Variants in EGFR observed in about 807,000 individuals in gnomAD.
EGFR encodes the protein avian erythroblastic leukemia viral (v-erb-b) oncogene homolog.
Under a neutral mutation model 143.0 loss-of-function variants are expected in EGFR, and 58 were observed. That is an observed-to-expected ratio of 0.41 (90% confidence interval 0.33 to 0.50). The LOEUF (loss-of-function observed/expected upper bound fraction) is 0.50, where lower values mean the gene tolerates loss of function less well. Ranked by LOEUF, EGFR falls within the 20% of genes least tolerant of loss-of-function variation. EGFR has a pLI of 0.39. For missense variants in EGFR, 1,307 were observed against 1,579.0 expected, an observed-to-expected ratio of 0.83 and a Z score of 2.92; for synonymous variants, 613 against 594.4, an observed-to-expected ratio of 1.03 and a Z score of -0.45.
chr7:55,092,756 C>G (rs369803849), intron 1 of EGFR, among the ~76,000 whole-genome samples: 2 of 152,250 alleles, frequency 1.3e-5, no homozygotes, highest in Non-Finnish European at 2.9e-5. Context: ...AATGATAGCT[C>G]GGCCTGCCCC....
At chr7:55,052,636 G>C (rs1462085053) in intron 1 of EGFR, among the ~76,000 whole-genome samples, 1 of 152,202 alleles carries the variant, frequency 6.6e-6, no homozygotes, top group Non-Finnish European at 1.5e-5. Context: ...ATGAGGAAGG[G>C]ATGCAGCCAG....
chr7:55,110,587 G>A (rs1271096438), intron 1 of EGFR, among the ~76,000 whole-genome samples: 1 of 152,214 alleles, frequency 6.6e-6, no homozygotes, highest in East Asian at 1.9e-4. Context: ...ATTAGCATGT[G>A]TCCAAAACCA....
At chr7:55,122,534 C>G (rs1007412607) in intron 1 of EGFR, among the ~76,000 whole-genome samples, 1 of 152,268 alleles carries the variant, frequency 6.6e-6, no homozygotes, top group African/African-American at 2.4e-5. Flanking sequence ...GAGCTCCGCT[C>G]ACTTTTGGCA....
At chr7:55,021,281 G>A (rs1786552520) in intron 1 of EGFR, among the ~76,000 whole-genome samples, 1 of 152,176 alleles carries the variant, frequency 6.6e-6, no homozygotes. Flanking sequence ...TCCGGAGACT[G>A]CTGACTGCCG....
intron 1 of EGFR, among the ~76,000 whole-genome samples, chr7:55,090,009 C>T (rs1791013289): frequency 6.6e-6 from 1 of 151,738 alleles, no homozygotes; most frequent in African/African-American, 2.4e-5. Flanking sequence ...CACTCTGTTG[C>T]CCAGGCTGGA....
chr7:55,033,490 G>T (rs545093412), intron 1 of EGFR, among the ~76,000 whole-genome samples: 1 of 152,304 alleles, frequency 6.6e-6, no homozygotes, highest in South Asian at 2.1e-4. Context: ...TTCCTCATCT[G>T]CAGAATGAGG....
At chr7:55,075,672 G>A (rs1456512284) in intron 1 of EGFR, among the ~76,000 whole-genome samples, 1 of 152,172 alleles carries the variant, frequency 6.6e-6, no homozygotes, top group African/African-American at 2.4e-5. Context: ...CCACCGTAGT[G>A]AGGACAGCAC....
At chr7:55,132,455 G>T (rs1334382341) in intron 1 of EGFR, among the ~76,000 whole-genome samples, 1 of 152,166 alleles carries the variant, frequency 6.6e-6, no homozygotes, top group Non-Finnish European at 1.5e-5. Context: ...CCAGAGGATG[G>T]GAAGGCATAA....
chr7:55,107,707 A>G (rs1037305777), intron 1 of EGFR, among the ~76,000 whole-genome samples: 1 of 152,264 alleles, frequency 6.6e-6, no homozygotes, highest in African/African-American at 2.4e-5. Context: ...ATTTGAGGAC[A>G]GAACAATATT....
intron 20 of EGFR, chr7:55,182,567 G>T (rs1321019052): frequency 2.0e-5 from 3 of 152,232 alleles, no homozygotes; most frequent in Non-Finnish European, 2.9e-5. Flanking sequence ...GGGAGCCGTG[G>T]TGCTTGGGTA....
intron 14 of EGFR, among the ~76,000 whole-genome samples, chr7:55,164,493 G>A (rs988594184): frequency 9.9e-5 from 15 of 152,214 alleles, no homozygotes; most frequent in African/African-American, 1.2e-4. Flanking sequence ...GGCTGCCAGC[G>A]TGGCTGCTTA....
intron 1 of EGFR, among the ~76,000 whole-genome samples, chr7:55,087,105 C>T (rs924054331): frequency 3.3e-5 from 5 of 151,820 alleles, no homozygotes; most frequent in African/African-American, 9.7e-5. Context: ...ATTTTCCCCC[C>T]GCGCTGTGAG....
rs748627278 is a variant in EGFR at position 55,154,057 on chromosome 7, C to G, written c.794C>G (p.Pro265Arg). The change falls in exon 7 of 28, where the codon CCC becomes CGC. Residue 265 changes from proline (P) to arginine (R), a missense_variant. By Grantham distance (103) the Pro-to-Arg change is moderately radical. This residue lies in a region of EGFR where 311 missense variants were observed against 412.3 expected (regional missense o/e 0.75). Transcript: ENST00000275493. ...RDEATCKDTC[P>R]PLMLYNPTTY... ...GAAGCCACGTGCAAGGACACCTGCCCCCCACTCATGCTCTACAACCCCACC... is the reference window on the plus strand; with the variant it reads ...GAAGCCACGTGCAAGGACACCTGCCGCCCACTCATGCTCTACAACCCCACC... 3.7e-6 allele frequency: 6 copies of G among 1,614,204 alleles called. No individual in the cohort carries two copies. The highest frequency in any genetic ancestry group is 5.1e-6 in the Non-Finnish European group (6 of 1,180,046).
rs1162608959 is a variant in EGFR, at chr7:55,211,256, A to G, written c.*5639A>G. 6.6e-6 allele frequency: 1 copy of G among 152,176 alleles called. No homozygotes were observed. The highest frequency in any genetic ancestry group is 2.4e-5 in the African/African-American group (1 of 41,440). The allele number at this position is 152,176 out of a possible 1,614,324, so 9.4% of individuals were successfully genotyped here. On this transcript the variant is annotated 3_prime_UTR_variant, in exon 28 of 28. Transcript: ENST00000275493. ...TCTTTAAAAAAAAAGGAATCCTATG[A>G]CCTGATTTGGCCACAAAAATAATCT...
intron 1 of EGFR, among the ~76,000 whole-genome samples, chr7:55,053,764 C>A (rs890463332): frequency 5.3e-5 from 8 of 152,376 alleles, no homozygotes; most frequent in East Asian, 1.9e-4. Context: ...GTCGCAGGAA[C>A]CTCAGCAGGG....
intron 1 of EGFR, among the ~76,000 whole-genome samples, chr7:55,096,209 TCTA>T (rs1791461002): frequency 6.6e-6 from 1 of 152,236 alleles, no homozygotes; most frequent in Non-Finnish European, 1.5e-5. Context: ...TGCAGCCCTT[TCTA>T]CCTCATTCCC....
intron 1 of EGFR, among the ~76,000 whole-genome samples, chr7:55,025,523 C>T (rs1245901403): frequency 6.6e-6 from 1 of 152,110 alleles, no homozygotes; most frequent in Admixed American, 6.6e-5. Flanking sequence ...GGTCCAATAT[C>T]AATATTCAGC....
At chr7:55,131,255 TA>T (rs920317752) in intron 1 of EGFR, among the ~76,000 whole-genome samples, 2 of 151,594 alleles carry the variant, frequency 1.3e-5, no homozygotes, top group African/African-American at 4.8e-5. Flanking sequence ...TTCTGTCGAC[TA>T]AACTGCCGGC....
intron 10 of EGFR, among the ~76,000 whole-genome samples, chr7:55,157,137 A>T (rs1225503336): frequency 1.3e-5 from 2 of 152,208 alleles, no homozygotes; most frequent in Non-Finnish European, 2.9e-5. Context: ...GGTAGGTGAC[A>T]GGCAGCCTGG....
Sources: allele counts gnomAD v4.1 joint callset (sites outside exome capture counted in the v4.1 genomes callset), GRCh38; gene constraint gnomAD v4.1.1; regional missense constraint gnomAD v4.1.1; transcripts MANE v1.5; gene names NCBI Gene and HGNC (gene_info 2026-07-23, HGNC 2026-07-21).